TSC22D1: variants seen among roughly 807,000 people sequenced by gnomAD.
TSC22D1 encodes the protein TSC22 domain family protein 1.
Under a neutral mutation model 74.2 loss-of-function variants are expected in TSC22D1, and 9 were observed. The observed-to-expected ratio is 0.12, with a 90% CI of 0.07 to 0.21. TSC22D1 has a LOEUF of 0.21. Ranked by LOEUF, TSC22D1 falls within the 10% of genes least tolerant of loss-of-function variation. TSC22D1 has a pLI of 1.00. For synonymous variants in TSC22D1, 586 were observed against 492.5 expected (o/e 1.19, Z -2.51); for missense variants, 1,427 against 1,304.7 (o/e 1.09, Z -1.44).
At chr13:44,484,498 TTTAA>T (rs1303506792) in intron 1 of TSC22D1, among the ~76,000 whole-genome samples, 3 of 152,340 alleles carry the variant, frequency 2.0e-5, no homozygotes, top group Admixed American at 6.5e-5. Context: ...CATACGTTAC[TTTAA>T]TTAGTCTGGA....
At chr13:44,538,637 A>G in intron 1 of TSC22D1, 1 of 985,398 alleles carries the variant, frequency 1.0e-6, no homozygotes, top group Non-Finnish European at 1.2e-6. Context: ...CCAATCTGAA[A>G]AGATTATTTC....
intron 1 of TSC22D1, among the ~76,000 whole-genome samples, chr13:44,491,553 C>CAAAAAAAA (rs1166772028): frequency 1.8e-5 from 1 of 56,074 alleles, no homozygotes; most frequent in Non-Finnish European, 3.6e-5. Flanking sequence ...GACTCCGTCT[C>CAAAAAAAA]AAAAAAAAAA....
intron 1 of TSC22D1, among the ~76,000 whole-genome samples, chr13:44,533,274 A>G (rs9595146): frequency 0.11 from 16,572 of 151,672 alleles, 973 homozygotes; most frequent in Non-Finnish European, 0.12. Context: ...CAGCCTGGCC[A>G]ACATGGTGAA....
At chr13:44,467,117 A>T (rs1877332157) in intron 1 of TSC22D1, among the ~76,000 whole-genome samples, 2 of 152,164 alleles carry the variant, frequency 1.3e-5, no homozygotes, top group East Asian at 3.9e-4. Flanking sequence ...AGCCAAGATC[A>T]CGCCACTGTA....
At chr13:44,448,743 T>C (rs1179781873) in intron 1 of TSC22D1, among the ~76,000 whole-genome samples, 2 of 152,182 alleles carry the variant, frequency 1.3e-5, no homozygotes, top group East Asian at 3.9e-4. Flanking sequence ...GATCATTTAA[T>C]TTTCTTATTC....
At chr13:44,560,845 C>A (rs961252030) in intron 1 of TSC22D1, among the ~76,000 whole-genome samples, 6 of 152,170 alleles carry the variant, frequency 3.9e-5, no homozygotes, top group African/African-American at 1.4e-4. Flanking sequence ...TATCCTATCA[C>A]AGTTCTTTGG....
At chr13:44,516,903 G>A (rs1391014074) in intron 1 of TSC22D1, among the ~76,000 whole-genome samples, 3 of 152,152 alleles carry the variant, frequency 2.0e-5, no homozygotes, top group African/African-American at 7.2e-5. Context: ...AGGAAGAAAG[G>A]GATAGCAGTC....
chr13:44,467,415 A>G (rs776322928), intron 1 of TSC22D1, among the ~76,000 whole-genome samples: 1 of 152,190 alleles, frequency 6.6e-6, no homozygotes, highest in Non-Finnish European at 1.5e-5. Context: ...TACTTAAACT[A>G]AAAGCTTCTG....
At chr13:44,527,107 T>C (rs756996296) in intron 1 of TSC22D1, among the ~76,000 whole-genome samples, 1 of 152,004 alleles carries the variant, frequency 6.6e-6, no homozygotes, top group Non-Finnish European at 1.5e-5. Context: ...TCTTGAAAAG[T>C]ATAAGAGAAA....
intron 1 of TSC22D1, among the ~76,000 whole-genome samples, chr13:44,555,323 C>T (rs886721965): frequency 9.2e-5 from 14 of 151,670 alleles, no homozygotes; most frequent in Non-Finnish European, 1.3e-4. Flanking sequence ...ATAAGAAATA[C>T]GTAGGTCGGG....
At chr13:44,462,707 T>G (rs2137882405) in intron 1 of TSC22D1, among the ~76,000 whole-genome samples, 1 of 152,248 alleles carries the variant, frequency 6.6e-6, no homozygotes, top group South Asian at 2.1e-4. Flanking sequence ...GTCTGGGTGC[T>G]TTAAGTAGTT....
intron 1 of TSC22D1, among the ~76,000 whole-genome samples, chr13:44,496,222 T>C (rs9533875): frequency 0.36 from 54,744 of 152,072 alleles, 11,028 homozygotes; most frequent in Middle Eastern, 0.57. Flanking sequence ...ACATGAAAGA[T>C]GCTCATCACT....
intron 1 of TSC22D1, among the ~76,000 whole-genome samples, chr13:44,478,253 AT>A (rs1465463882): frequency 2.6e-5 from 4 of 152,156 alleles, no homozygotes; most frequent in African/African-American, 9.7e-5. Context: ...ATTTACTTAC[AT>A]TTCTGTATGT....
intron 1 of TSC22D1, chr13:44,437,035 C>T (rs1004576486): frequency 7.1e-6 from 7 of 980,402 alleles, no homozygotes; most frequent in Non-Finnish European, 7.3e-6. Context: ...GGTGGGCTGG[C>T]CTGGCGCGGG....
intron 1 of TSC22D1, among the ~76,000 whole-genome samples, chr13:44,523,374 C>T (rs1880404314): frequency 1.3e-5 from 2 of 152,000 alleles, no homozygotes; most frequent in Non-Finnish European, 2.9e-5. Flanking sequence ...TTCAGAACTG[C>T]CAAAAACATC....
intron 1 of TSC22D1, among the ~76,000 whole-genome samples, chr13:44,557,753 T>G (rs183672293): frequency 6.6e-6 from 1 of 152,318 alleles, no homozygotes; most frequent in African/African-American, 2.4e-5. Flanking sequence ...TTAATTTGAT[T>G]GCATTAAGCT....
chr13:44,573,546 T>A lies in TSC22D1; in HGVS notation c.2529A>T (p.Gly843=). The change falls in exon 1 of 3, where the codon GGA becomes GGT. Residue 843 remains glycine, a synonymous_variant. Coordinates refer to ENST00000458659, the MANE Select transcript of TSC22D1 (RefSeq NM_183422.4). ...CCAAGTTTGTTGGGGCAGAAGGCAT[T>A]CCAGAAGGACCAGTTGAACTAACCT... ...TSQVSSTGPS[G]MPSAPTNLVP... 1 of 1,614,226 alleles carries A rather than the reference T, an allele frequency of 6.2e-7. No individual in the cohort carries two copies. Among genetic ancestry groups the A allele is most frequent in the Non-Finnish European group, 8.5e-7 (1 of 1,180,050 alleles).
intron 1 of TSC22D1, 198 bp from the exon 2 acceptor site, chr13:44,436,293 A>C (rs2138849075): frequency 1.1e-6 from 1 of 893,884 alleles, no homozygotes; most frequent in African/African-American, 1.7e-5. Context: ...TATTTTAGTA[A>C]GCCACAAAGG....
At chr13:44,456,150 G>T (rs999958686) in intron 1 of TSC22D1, among the ~76,000 whole-genome samples, 2 of 152,208 alleles carry the variant, frequency 1.3e-5, no homozygotes, top group East Asian at 3.8e-4. Context: ...GAGTGTTACA[G>T]CTCAGCTCAT....
Sources: gnomAD v4.1 joint callset for allele counts (sites outside exome capture counted in the v4.1 genomes callset) on GRCh38, gnomAD v4.1.1 for gene constraint, MANE v1.5 for transcripts, NCBI Gene and HGNC (gene_info 2026-07-23, HGNC 2026-07-21) for gene names.